Variants in ZNF107 observed in about 807,000 individuals in gnomAD.
ZNF107 encodes the protein zinc finger protein 107.
In ZNF107, 19 loss-of-function variants were observed where a neutral mutation model predicts 12.3. The ratio of observed to expected loss-of-function variants is 1.55; its 90% CI spans 1.08 to 2.27. The LOEUF (loss-of-function observed/expected upper bound fraction) is 2.27. Among genes scored for constraint, ZNF107 ranks in the 30% most tolerant of loss-of-function variants. The probability of loss-of-function intolerance (pLI) is 0.00; values close to 1 mark genes in which losing one functional copy is unlikely to be tolerated. For missense variants in ZNF107, 958 were observed against 979.9 expected (o/e 0.98, Z 0.30); for synonymous variants, 317 against 330.5 (o/e 0.96, Z 0.44).
At position 64,684,720 on chromosome 7, in the gene ZNF107, G is replaced by T. The variant is rs1012132212; in HGVS notation, c.4-6528G>T. On this transcript the variant is annotated intron_variant, in intron 1 of 3. Transcript: ENST00000620827. ...CCACCTTAGATTCTCTCTTAAACTG[G>T]ATAGATGATCTCATCTTTTAGGGCA... The T allele has an allele frequency of 5.1e-6, 5 of 985,116 alleles. No individual in the cohort carries two copies. The African/African-American group carries it at 7.0e-5, about 14-fold the overall frequency. 61.0% of individuals were successfully genotyped at this position (985,116 alleles called of 1,614,324 possible).
chr7:64,673,618 T>C (rs1057180997), intron 1 of ZNF107, among the ~76,000 whole-genome samples: 2 of 152,282 alleles, frequency 1.3e-5, no homozygotes, highest in Non-Finnish European at 2.9e-5. Flanking sequence ...CATTTGCTTT[T>C]GGCATCTTCG....
intron 1 of ZNF107, among the ~76,000 whole-genome samples, chr7:64,677,175 A>ATT (rs71567859): frequency 1.0e-4 from 15 of 145,418 alleles, no homozygotes; most frequent in East Asian, 4.0e-4. Context: ...ATACCCATGG[A>ATT]TTTTTTTTTT....
chr7:64,691,465 G>T, intron 2 of ZNF107, 91 bp downstream of exon 2: 2 of 1,146,144 alleles, frequency 1.7e-6, no homozygotes, highest in Non-Finnish European at 2.2e-6. Flanking sequence ...TTTATGCTTT[G>T]CATAAATGAG....
At position 64,706,903 on chromosome 7, in the gene ZNF107, C is replaced by A. The variant is rs201135722; in HGVS notation, c.806C>A (p.Ala269Asp). ...GAATGTGGCAAGGCCTTTAAACAGG[C>A]CTCACACCTTACTATACATAAAATA... is the stretch of plus-strand genomic sequence containing the variant. ...CEECGKAFKQ[A>D]SHLTIHKIIH... is the part of the protein sequence containing the mutation. The change falls in exon 4 of 4, where the codon GCC (alanine) becomes GAC (aspartate). Residue 269 changes from alanine to aspartate, a missense_variant. Physicochemically the swap from Ala to Asp is moderately radical, Grantham distance 126. Coordinates refer to ENST00000620827, the MANE Select transcript of ZNF107 (RefSeq NM_001282359.2). The A allele has an allele frequency of 1.9e-5, 30 of 1,612,336 alleles. No homozygotes were observed. Among genetic ancestry groups the A allele is most frequent in the Middle Eastern group, 3.3e-4 (2 of 6,062 alleles).
At chr7:64,675,828 G>T (rs1205417625) in intron 1 of ZNF107, among the ~76,000 whole-genome samples, 9 of 152,036 alleles carry the variant, frequency 5.9e-5, no homozygotes, top group Non-Finnish European at 1.0e-4. Flanking sequence ...CCTTAATTTT[G>T]TTATTTACCA....
At chr7:64,672,989 T>A (rs1173861448) in intron 1 of ZNF107, among the ~76,000 whole-genome samples, 1 of 152,210 alleles carries the variant, frequency 6.6e-6, no homozygotes, top group Non-Finnish European at 1.5e-5. Context: ...TATGAGATGG[T>A]ATCTCATTGT....
chr7:64,670,938 G>T (rs533386251), intron 1 of ZNF107, among the ~76,000 whole-genome samples: 1 of 152,266 alleles, frequency 6.6e-6, no homozygotes, highest in East Asian at 1.9e-4. Flanking sequence ...TTTTTGACTG[G>T]CATCTGCAGT....
At position 64,666,229 on chromosome 7, in the gene ZNF107, G is replaced by T. The variant is rs1452301160; in HGVS notation, c.-54G>T. On this transcript the variant is annotated 5_prime_UTR_variant, in exon 1 of 4. Transcript: ENST00000620827. ...CCCAGCCTCTGTGTCCCTGTGACCT[G>T]CAGATATTGGGAGATCCACAGCTAA... 52 of 1,601,738 alleles carry T rather than the reference G, an allele frequency of 3.2e-5. No individual in the cohort carries two copies. Among genetic ancestry groups the T allele is most frequent in the Non-Finnish European group, 4.3e-5 (51 of 1,172,702 alleles).
intron 1 of ZNF107, among the ~76,000 whole-genome samples, chr7:64,683,595 A>G (rs982963952): frequency 6.6e-6 from 1 of 152,136 alleles, no homozygotes; most frequent in Non-Finnish European, 1.5e-5. Context: ...CTGCCTCACA[A>G]GCGCAATCTA....
At chr7:64,672,652 C>T (rs58593292) in intron 1 of ZNF107, among the ~76,000 whole-genome samples, 7,153 of 152,240 alleles carry the variant, frequency 0.047, 450 homozygotes, top group African/African-American at 0.14. Context: ...TGTGAGCCAC[C>T]GTGCCCTACC....
At chr7:64,687,591 A>C in intron 1 of ZNF107, 3 of 983,666 alleles carry the variant, frequency 3.0e-6, no homozygotes, top group Non-Finnish European at 3.6e-6. Context: ...ACCTTTTGTC[A>C]TGAAGATGTG....
At position 64,708,192 on chromosome 7, in the gene ZNF107, C is replaced by T; in HGVS notation, c.2095C>T (p.His699Tyr). 6.2e-7 allele frequency: 1 copy of T among 1,612,410 alleles called. No homozygotes were observed. The highest frequency in any genetic ancestry group is 8.5e-7 in the Non-Finnish European group (1 of 1,179,464). The change falls in exon 4 of 4, where the codon CAT becomes TAT. Residue 699 changes from histidine to tyrosine, a missense_variant. By Grantham distance (83) the His-to-Tyr change is moderately conservative. Transcript: ENST00000620827. ...AAACCTAACTATACATAAGAGAATT[C>T]ATACGGGAGAGAAACCTTACCAATG... ...FSNLTIHKRI[H>Y]TGEKPYQCAE... is the part of the protein sequence containing the mutation.
At chr7:64,704,964 C>G (rs1790592050) in intron 3 of ZNF107, among the ~76,000 whole-genome samples, 1 of 152,156 alleles carries the variant, frequency 6.6e-6, no homozygotes, top group African/African-American at 2.4e-5. Flanking sequence ...CAGACGTGAG[C>G]CATCGCACCC....
intron 1 of ZNF107, chr7:64,687,629 C>A: frequency 1.1e-6 from 1 of 935,126 alleles, no homozygotes; most frequent in Non-Finnish European, 1.3e-6. Context: ...TTGATTATAA[C>A]CAATTAGCAT....
chr7:64,679,598 C>A (rs923930742), intron 1 of ZNF107, among the ~76,000 whole-genome samples: 1 of 152,152 alleles, frequency 6.6e-6, no homozygotes, highest in African/African-American at 2.4e-5. Context: ...CAGTCCTCCG[C>A]TGTTCATTAT....
chr7:64,681,514 C>T (rs1000426374), intron 1 of ZNF107, among the ~76,000 whole-genome samples: 1 of 152,076 alleles, frequency 6.6e-6, no homozygotes, highest in African/African-American at 2.4e-5. Context: ...TTCTCCCCAA[C>T]CCTTCACCAT....
rs905009176 is a variant in ZNF107, at chr7:64,705,298, T to G, written c.227-1026T>G. On this transcript the variant is annotated intron_variant, in intron 3 of 3. Coordinates refer to ENST00000620827, the MANE Select transcript of ZNF107 (RefSeq NM_001282359.2). ...TTAATTTTTCTTTTATATTTTTAAG[T>G]TTTTTTTGCATTTTTACCTCCACAA... is the stretch of plus-strand genomic sequence containing the variant. 1.9e-4 allele frequency among the ~76,000 whole-genome samples: 29 copies of G among 151,782 alleles called. No homozygotes were observed. The East Asian group carries it at 1.9e-3, about 10-fold the overall frequency.
intron 1 of ZNF107, among the ~76,000 whole-genome samples, chr7:64,677,345 T>A (rs1164642940): frequency 2.6e-5 from 4 of 151,792 alleles, no homozygotes; most frequent in African/African-American, 9.7e-5. Context: ...CAAATTTTTG[T>A]ATTTTTAGTA....
rs1788991595 is a variant in ZNF107, at chr7:64,666,171, T to C, written c.-112T>C. On this transcript the variant is annotated 5_prime_UTR_variant, in exon 1 of 4. Transcript: ENST00000620827. ...GCTGCAGCCGGAGCTCCTGCTCTCC[T>C]CCTCACTGCTCAGTGTCCTCTGCTC... 1 of 1,442,160 alleles carries C rather than the reference T, an allele frequency of 6.9e-7. No individual in the cohort carries two copies. The highest frequency in any genetic ancestry group is 1.7e-5 in the Admixed American group (1 of 57,852). 89.3% of individuals were successfully genotyped at this position (1,442,160 alleles called of 1,614,324 possible).
Sources: gnomAD v4.1 joint callset for allele counts (sites outside exome capture counted in the v4.1 genomes callset) on GRCh38, gnomAD v4.1.1 for gene constraint, MANE v1.5 for transcripts, NCBI Gene and HGNC (gene_info 2026-07-23, HGNC 2026-07-21) for gene names.